Variants in KCTD1 observed in about 807,000 individuals in gnomAD.
The protein encoded by KCTD1 is BTB/POZ domain-containing protein KCTD1.
In KCTD1, 24 loss-of-function variants were observed where a neutral mutation model predicts 66.0. The observed-to-expected ratio is 0.36, with a 90% CI of 0.26 to 0.51. The LOEUF is 0.51. KCTD1 is among the 20% of genes least tolerant of loss of function. KCTD1 has a pLI of 0.95. For synonymous variants in KCTD1, 511 were observed against 517.2 expected, an observed-to-expected ratio of 0.99 and a Z score of 0.16; for missense variants, 943 against 1,205.2, an observed-to-expected ratio of 0.78 and a Z score of 3.22.
upstream of KCTD1, chr18:26,549,428 C>G (rs1985452165): frequency 3.0e-6 from 3 of 985,596 alleles, no homozygotes; most frequent in East Asian, 1.1e-4. Context: ...AAGTCCGCGC[C>G]GGTCCAGCCA....
At chr18:26,573,195 G>T (rs1209668409) in intron 1 of KCTD1, among the ~76,000 whole-genome samples, 1 of 152,054 alleles carries the variant, frequency 6.6e-6, no homozygotes, top group Non-Finnish European at 1.5e-5. Context: ...ATATAGTGAG[G>T]TACCTGGAGA....
intron 1 of KCTD1, among the ~76,000 whole-genome samples, chr18:26,533,232 C>A (rs912107114): frequency 3.3e-4 from 50 of 152,234 alleles, no homozygotes; most frequent in African/African-American, 1.2e-3. Context: ...AATCTAACTG[C>A]GATTCACACT....
At chr18:26,591,792 T>C (rs1396384117) in intron 1 of KCTD1, among the ~76,000 whole-genome samples, 1 of 152,202 alleles carries the variant, frequency 6.6e-6, no homozygotes, top group African/African-American at 2.4e-5. Context: ...CCTCTTGGTG[T>C]ATATAATAAA....
At chr18:26,647,336 C>CCG (rs1555649528) in intron 1 of KCTD1, among the ~76,000 whole-genome samples, 2 of 146,792 alleles carry the variant, frequency 1.4e-5, no homozygotes, top group South Asian at 2.3e-4. Context: ...GTGAAACCCC[C>CCG]CCCCCATCTC....
At chr18:26,521,797 G>T (rs1366322081) in intron 1 of KCTD1, among the ~76,000 whole-genome samples, 1 of 152,196 alleles carries the variant, frequency 6.6e-6, no homozygotes, top group African/African-American at 2.4e-5. Context: ...AAGCAGAGCA[G>T]TGGCTGCCTG....
intron 3 of KCTD1, among the ~76,000 whole-genome samples, chr18:26,469,916 A>G (rs1406506810): frequency 1.4e-5 from 2 of 147,038 alleles, no homozygotes; most frequent in East Asian, 3.9e-4. Context: ...GCCACTGCCC[A>G]TCTCAAAAAA....
chr18:26,467,910 G>A (rs7241214), intron 3 of KCTD1, among the ~76,000 whole-genome samples: 74,064 of 152,108 alleles, frequency 0.49, 19,256 homozygotes, highest in African/African-American at 0.66. Flanking sequence ...CTGCCAGCAA[G>A]TTTGTCTATG....
chr18:26,554,125 GAGAA>G (rs765693003), intron 1 of KCTD1, among the ~76,000 whole-genome samples: 19 of 131,500 alleles, frequency 1.4e-4, no homozygotes, highest in Admixed American at 3.7e-4. Flanking sequence ...AGAAAGAAAA[GAGAA>G]AGAAAGAATA....
intron 1 of KCTD1, chr18:26,575,697 T>C (rs560347322): frequency 1.3e-5 from 2 of 152,192 alleles, no homozygotes; most frequent in Admixed American, 6.5e-5. Flanking sequence ...CAAATATTTG[T>C]ACATTATTTA....
At chr18:26,500,125 TA>T (rs1982679837) in intron 2 of KCTD1, among the ~76,000 whole-genome samples, 1 of 151,360 alleles carries the variant, frequency 6.6e-6, no homozygotes, top group Non-Finnish European at 1.5e-5. Context: ...CTACAAAAAA[TA>T]AAAAAATTAG....
chr18:26,549,745 G>C, upstream of KCTD1: 3 of 985,426 alleles, frequency 3.0e-6, no homozygotes, highest in Non-Finnish European at 3.6e-6. Flanking sequence ...TTTGCCAACC[G>C]CCATTCGTTC....
At chr18:26,591,484 G>A (rs1986602779) in intron 1 of KCTD1, 1 of 152,212 alleles carries the variant, frequency 6.6e-6, no homozygotes, top group Admixed American at 6.5e-5. Context: ...AAAAGGCCCT[G>A]AGCTGGGATT....
chr18:26,595,849 G>A (rs1322962537), intron 1 of KCTD1, among the ~76,000 whole-genome samples: 2 of 152,128 alleles, frequency 1.3e-5, no homozygotes, highest in African/African-American at 4.8e-5. Flanking sequence ...AGACCAGCCT[G>A]GGCAACATAG....
chr18:26,636,520 A>ACTCCCATTT, intron 1 of KCTD1, among the ~76,000 whole-genome samples: 1 of 151,996 alleles, frequency 6.6e-6, no homozygotes, highest in Non-Finnish European at 1.5e-5. Context: ...CCCGACCGAA[A>ACTCCCATTT]CTCCCATTTC....
chr18:26,648,375 A>G (rs1258918146), intron 1 of KCTD1, among the ~76,000 whole-genome samples: 1 of 152,228 alleles, frequency 6.6e-6, no homozygotes, highest in Non-Finnish European at 1.5e-5. Context: ...ATGGGAGCAT[A>G]AGCCCCATAT....
At chr18:26,605,925 C>T (rs1987005118) in intron 1 of KCTD1, among the ~76,000 whole-genome samples, 1 of 152,094 alleles carries the variant, frequency 6.6e-6, no homozygotes, top group South Asian at 2.1e-4. Flanking sequence ...TGTGACACAG[C>T]CTCAAGAAGT....
intron 4 of KCTD1, chr18:26,456,139 C>G: frequency 2.2e-6 from 1 of 454,282 alleles, no homozygotes; most frequent in Non-Finnish European, 3.9e-6. Flanking sequence ...CTACAACACT[C>G]GATGGTGTTA....
intron 1 of KCTD1, among the ~76,000 whole-genome samples, chr18:26,656,963 C>CGGCG (rs1387072821): frequency 1.3e-3 from 189 of 149,424 alleles, no homozygotes; most frequent in Non-Finnish European, 2.4e-3. Context: ...GCGCGCGGAG[C>CGGCG]GGCGGGCGGG....
At chr18:26,650,202 T>A (rs1218830310) in intron 1 of KCTD1, among the ~76,000 whole-genome samples, 2 of 152,212 alleles carry the variant, frequency 1.3e-5, no homozygotes, top group African/African-American at 4.8e-5. Context: ...AAAAAGCCCA[T>A]AACCAGCAGG....
Sources: allele counts gnomAD v4.1 joint callset (sites outside exome capture counted in the v4.1 genomes callset), GRCh38; gene constraint gnomAD v4.1.1; transcripts MANE v1.5; gene names NCBI Gene and HGNC (gene_info 2026-07-23, HGNC 2026-07-21).